Variants in GPC6 observed in about 807,000 individuals in gnomAD.
The protein encoded by GPC6 is glypican-6.
GPC6 carries 14 observed loss-of-function variants against 55.2 expected under a neutral mutation model. That is an observed-to-expected ratio of 0.25 (90% CI 0.17 to 0.40). GPC6 has a LOEUF of 0.40. GPC6 is among the 10% of genes least tolerant of loss of function. GPC6 has a pLI of 1.00. For missense variants in GPC6, 641 were observed against 708.5 expected, an observed-to-expected ratio of 0.90 and a Z score of 1.08; for synonymous variants, 278 against 259.6, an observed-to-expected ratio of 1.07 and a Z score of -0.68.
chr13:94,165,926 G>A (rs986189516), intron 4 of GPC6, among the ~76,000 whole-genome samples: 1 of 152,024 alleles, frequency 6.6e-6, no homozygotes, highest in Non-Finnish European at 1.5e-5. Context: ...TACATATTTT[G>A]TGTATATGAA....
rs1024846158 is a variant in GPC6, at chr13:93,495,165, C to G, written c.161-50098C>G. Among the ~76,000 whole-genome samples, 136 of 107,910 alleles carry G rather than the reference C, an allele frequency of 1.3e-3. 21 individuals are homozygous for G. In the South Asian group the frequency reaches 0.021, roughly 17 times the overall value. The allele number at this position is 107,910 out of a possible 152,430, so 70.8% of individuals were successfully genotyped here. A position where few individuals can be genotyped will look rare whatever the true frequency, so the allele number is the denominator to read the frequency against. ...CCGCATCACTTTCAGGTACACCAAT[C>G]AGACGTAGATTTGGTCTTTTCACAT... is the stretch of plus-strand genomic sequence containing the variant. On this transcript the variant is annotated intron_variant, in intron 1 of 8. Coordinates refer to ENST00000377047, the MANE Select transcript of GPC6 (RefSeq NM_005708.5).
At chr13:94,246,340 A>G (rs1005302097) in intron 4 of GPC6, among the ~76,000 whole-genome samples, 1 of 151,854 alleles carries the variant, frequency 6.6e-6, no homozygotes, top group Admixed American at 6.6e-5. Context: ...TTTTCTTTAC[A>G]GTGTATAAGG....
At chr13:94,358,056 G>A (rs1853482) in intron 6 of GPC6, among the ~76,000 whole-genome samples, 7,352 of 152,216 alleles carry the variant, frequency 0.048, 575 homozygotes, top group African/African-American at 0.16. Flanking sequence ...TTGGGAAGCC[G>A]AGGAGGGTGA....
At position 93,997,615 on chromosome 13, in the gene GPC6, G is replaced by A. The variant is rs891277261; in HGVS notation, c.712-30114G>A. Among the ~76,000 whole-genome samples the A allele has an allele frequency of 2.4e-4, 36 of 151,000 alleles. 1 individual carries two copies. The South Asian group carries it at 2.7e-3, about 11-fold the overall frequency. On this transcript the variant is annotated intron_variant, in intron 3 of 8. Coordinates refer to ENST00000377047, the MANE Select transcript of GPC6 (RefSeq NM_005708.5). ...TGTGTGTGTGTGTGTGTGCATGCAC[G>A]CTTGTGTATAAAACCTAGGAAACTA...
intron 4 of GPC6, among the ~76,000 whole-genome samples, chr13:94,230,330 G>C (rs7334466): frequency 0.035 from 5,344 of 152,072 alleles, 351 homozygotes; most frequent in African/African-American, 0.12. Context: ...CCCAGGGGAG[G>C]GCTTTCCCAT....
chr13:93,398,153 T>C (rs993668522), intron 1 of GPC6, among the ~76,000 whole-genome samples: 1 of 152,156 alleles, frequency 6.6e-6, no homozygotes, highest in African/African-American at 2.4e-5. Flanking sequence ...TGAAATAGTA[T>C]AACCAGAGAG....
chr13:94,287,559 G>A (rs1045708373), intron 5 of GPC6, among the ~76,000 whole-genome samples: 2 of 152,074 alleles, frequency 1.3e-5, no homozygotes, highest in Non-Finnish European at 2.9e-5. Flanking sequence ...AAAGAATCTG[G>A]CCTGGGTCCC....
chr13:93,394,508 T>C (rs943923959), intron 1 of GPC6, among the ~76,000 whole-genome samples: 1 of 152,250 alleles, frequency 6.6e-6, no homozygotes, highest in Non-Finnish European at 1.5e-5. Flanking sequence ...CAGCCCCTGA[T>C]AGTTCCTCTC....
intron 2 of GPC6, among the ~76,000 whole-genome samples, chr13:93,729,452 A>G (rs954876194): frequency 2.6e-5 from 4 of 152,212 alleles, no homozygotes; most frequent in Non-Finnish European, 4.4e-5. Context: ...ACAAGGAGTC[A>G]TTGGTCATGA....
intron 4 of GPC6, among the ~76,000 whole-genome samples, chr13:94,175,472 T>C (rs952880810): frequency 2.6e-5 from 4 of 152,164 alleles, no homozygotes; most frequent in Non-Finnish European, 5.9e-5. Context: ...TTGAGGAACA[T>C]TTGGAGTGTT....
intron 1 of GPC6, among the ~76,000 whole-genome samples, chr13:93,402,386 G>A (rs985230259): frequency 4.6e-5 from 7 of 152,054 alleles, no homozygotes; most frequent in African/African-American, 1.4e-4. Context: ...TGTACAGTGC[G>A]GCCTTTCACC....
chr13:93,789,482 A>ACTCTCTCT (rs766627327), intron 2 of GPC6, among the ~76,000 whole-genome samples: 7 of 59,622 alleles, frequency 1.2e-4, no homozygotes, highest in African/African-American at 3.2e-4. Context: ...ATGTGAGTGA[A>ACTCTCTCT]CTCTCTCTCT....
intron 6 of GPC6, among the ~76,000 whole-genome samples, chr13:94,338,188 C>T (rs1203351115): frequency 6.6e-6 from 1 of 152,224 alleles, no homozygotes; most frequent in African/African-American, 2.4e-5. Context: ...ATCACAGCCT[C>T]TTCCAGGGAT....
chr13:93,543,522 G>A (rs981886870), intron 1 of GPC6, among the ~76,000 whole-genome samples: 3 of 151,976 alleles, frequency 2.0e-5, no homozygotes, highest in East Asian at 1.9e-4. Context: ...TTGGTATCAG[G>A]ATGATGCTGG....
chr13:93,232,139 A>G (rs1426227766), intron 1 of GPC6, among the ~76,000 whole-genome samples: 3 of 151,082 alleles, frequency 2.0e-5, no homozygotes, highest in Non-Finnish European at 4.4e-5. Flanking sequence ...ATATCACATT[A>G]ACTTAAATGG....
At chr13:94,146,532 A>G (rs1037648798) in intron 4 of GPC6, among the ~76,000 whole-genome samples, 1 of 152,142 alleles carries the variant, frequency 6.6e-6, no homozygotes, top group Non-Finnish European at 1.5e-5. Context: ...TTCAAAAACA[A>G]TCTTTTTCAG....
In GPC6 at chr13:94,403,181, C is replaced by A. The variant is rs780414324; in HGVS notation, c.1632C>A (p.Thr544=). Residue 544 remains threonine (T), a synonymous_variant, in exon 9 of 9, where the codon ACC becomes ACA. Coordinates refer to ENST00000377047, the MANE Select transcript of GPC6 (RefSeq NM_005708.5). ...RGHSLLSWSL[T]CIVLALQRLC... ...ACTCCCTGCTCTCCTGGTCTCTCAC[C>A]TGCATTGTCCTGGCACTGCAGAGAC... 1 of 1,613,980 alleles carries A rather than the reference C, an allele frequency of 6.2e-7. No homozygotes were observed. Among genetic ancestry groups the A allele is most frequent in the South Asian group, 1.1e-5 (1 of 91,082 alleles).
chr13:93,413,018 G>A (rs763606806), intron 1 of GPC6, among the ~76,000 whole-genome samples: 37 of 152,108 alleles, frequency 2.4e-4, no homozygotes, highest in Non-Finnish European at 5.1e-4. Context: ...CTTCATACAA[G>A]CATAGAATTT....
chr13:93,543,104 T>G (rs769568428), intron 1 of GPC6, among the ~76,000 whole-genome samples: 1 of 145,826 alleles, frequency 6.9e-6, no homozygotes, highest in Non-Finnish European at 1.5e-5. Flanking sequence ...CTTGTGCCAG[T>G]TTTCAAAGGG....
Sources: gnomAD v4.1 joint callset for allele counts (sites outside exome capture counted in the v4.1 genomes callset) on GRCh38, gnomAD v4.1.1 for gene constraint, MANE v1.5 for transcripts, NCBI Gene and HGNC (gene_info 2026-07-23, HGNC 2026-07-21) for gene names.